The following P4HA1 variants were observed in gnomAD, a reference collection of about 807,000 sequenced individuals.
P4HA1 encodes prolyl 4-hydroxylase subunit alpha 1.
P4HA1 carries 24 observed loss-of-function variants against 72.8 expected under a neutral mutation model. That is an observed-to-expected ratio of 0.33 (90% CI 0.24 to 0.46). The LOEUF (loss-of-function observed/expected upper bound fraction) is 0.46, where lower values mean the gene tolerates loss of function less well. Ranked by LOEUF, P4HA1 falls within the 20% of genes least tolerant of loss-of-function variation. The pLI is 1.00. For missense variants in P4HA1, 446 were observed against 640.6 expected, an observed-to-expected ratio of 0.70 and a Z score of 3.28; for synonymous variants, 201 against 218.8, an observed-to-expected ratio of 0.92 and a Z score of 0.72.
At chr10:73,048,075 C>A (rs749887239) in intron 7 of P4HA1, among the ~76,000 whole-genome samples, 5 of 151,956 alleles carry the variant, frequency 3.3e-5, no homozygotes, top group Non-Finnish European at 7.4e-5. Flanking sequence ...AAAACAAAAA[C>A]AAGTATGTCA....
chr10:73,041,140 T>C (rs1393273037), intron 9 of P4HA1, among the ~76,000 whole-genome samples: 1 of 152,170 alleles, frequency 6.6e-6, no homozygotes, highest in African/African-American at 2.4e-5. Flanking sequence ...ATTTTCTTCA[T>C]GTCTTCTAAT....
chr10:73,086,437 G>T (rs1350420293), intron 1 of P4HA1, among the ~76,000 whole-genome samples: 1 of 152,196 alleles, frequency 6.6e-6, no homozygotes, highest in Non-Finnish European at 1.5e-5. Flanking sequence ...GTAGATTAGT[G>T]GTTGCCCAGG....
At chr10:73,012,777 A>G (rs1358567874) in intron 12 of P4HA1, among the ~76,000 whole-genome samples, 1 of 152,100 alleles carries the variant, frequency 6.6e-6, no homozygotes, top group Non-Finnish European at 1.5e-5. Context: ...AAGTCTACAT[A>G]TAAAATATAT....
chr10:73,054,202 G>A (rs906852204), intron 5 of P4HA1, among the ~76,000 whole-genome samples: 3 of 152,026 alleles, frequency 2.0e-5, no homozygotes, highest in South Asian at 2.1e-4. Context: ...CACCGCGCCC[G>A]GCCACCATAT....
intron 1 of P4HA1, among the ~76,000 whole-genome samples, chr10:73,077,537 G>A (rs917954659): frequency 6.6e-6 from 1 of 151,992 alleles, no homozygotes; most frequent in South Asian, 2.1e-4. Flanking sequence ...CAAAACAATC[G>A]TAAAAAGAAT....
At chr10:73,042,949 AC>A (rs1301725601) in intron 9 of P4HA1, among the ~76,000 whole-genome samples, 1 of 152,186 alleles carries the variant, frequency 6.6e-6, no homozygotes, top group Non-Finnish European at 1.5e-5. Flanking sequence ...CTACAGTGAC[AC>A]ATTTTTATGC....
intron 1 of P4HA1, among the ~76,000 whole-genome samples, chr10:73,093,663 G>A (rs566872124): frequency 1.3e-5 from 2 of 150,810 alleles, no homozygotes; most frequent in Non-Finnish European, 3.0e-5. Flanking sequence ...TTAACACGGT[G>A]TAACCCCGTC....
At position 73,047,145 on chromosome 10, in the gene P4HA1, A is replaced by G. The variant is rs557539502; in HGVS notation, c.901-44T>C. 4 of 1,263,678 alleles carry G rather than the reference A, an allele frequency of 3.2e-6. No homozygotes were observed. The African/African-American group carries it at 4.5e-5, about 14-fold the overall frequency. 78.3% of individuals were successfully genotyped at this position (1,263,678 alleles called of 1,614,324 possible). A position where few individuals can be genotyped will look rare whatever the true frequency, so the allele number is the denominator to read the frequency against. On this transcript the variant is annotated intron_variant, in intron 7 of 14. Coordinates refer to ENST00000394890, the MANE Select transcript of P4HA1 (RefSeq NM_001017962.3). ...ATATGATGAATATATTACAGTAATA[A>G]TACTTTTAATATCTATTCCTATGCA...
chr10:73,092,342 T>TTTTC (rs1299205444), intron 1 of P4HA1, among the ~76,000 whole-genome samples: 1 of 147,626 alleles, frequency 6.8e-6, no homozygotes, highest in Non-Finnish European at 1.5e-5. Flanking sequence ...TTTTTTTTTC[T>TTTTC]TTTCTTTTTT....
At chr10:73,053,899 C>T (rs974229264) in intron 5 of P4HA1, among the ~76,000 whole-genome samples, 3 of 151,812 alleles carry the variant, frequency 2.0e-5, no homozygotes, top group African/African-American at 4.8e-5. Context: ...GTAGGAATTA[C>T]CATATGAGAT....
intron 1 of P4HA1, among the ~76,000 whole-genome samples, chr10:73,088,844 G>A (rs1414000830): frequency 6.6e-6 from 1 of 152,118 alleles, no homozygotes; most frequent in African/African-American, 2.4e-5. Context: ...TTGTTCAATT[G>A]ATCTGTATGT....
At chr10:73,056,774 G>C (rs1319196440) in intron 5 of P4HA1, among the ~76,000 whole-genome samples, 1 of 151,884 alleles carries the variant, frequency 6.6e-6, no homozygotes, top group African/African-American at 2.4e-5. Flanking sequence ...TTAAAATGTA[G>C]ATTAAGGCCG....
intron 12 of P4HA1, 101 bp downstream of exon 12, chr10:73,014,123 C>A: frequency 1.3e-6 from 1 of 788,744 alleles, no homozygotes; most frequent in Non-Finnish European, 2.1e-6. Context: ...AAATGTTAAA[C>A]TAGGATGCTG....
rs1044824344 is a variant in P4HA1 at position 73,093,440 on chromosome 10, T to A, written c.-33+3326A>T. Among the ~76,000 whole-genome samples the A allele has an allele frequency of 4.6e-5, 7 of 152,226 alleles. No individual in the cohort carries two copies. In the East Asian group the frequency reaches 1.4e-3, roughly 29 times the overall value. Reference sequence around the variant, plus strand: ...AACCTAAATGAGAGTCCTTTTGAATTGCCAAAGCTTTTCTTTAGGTACAAT... The same window carrying A: ...AACCTAAATGAGAGTCCTTTTGAATAGCCAAAGCTTTTCTTTAGGTACAAT... On this transcript the variant is annotated intron_variant, in intron 1 of 14. Transcript: ENST00000394890.
chr10:73,051,684 G>A (rs1051450305), intron 6 of P4HA1, among the ~76,000 whole-genome samples: 2 of 152,090 alleles, frequency 1.3e-5, no homozygotes, highest in Non-Finnish European at 2.9e-5. Flanking sequence ...ACTTGAACCC[G>A]GGAGGCGGGG....
intron 9 of P4HA1, among the ~76,000 whole-genome samples, chr10:73,044,198 T>A (rs550756393): frequency 2.6e-4 from 39 of 152,268 alleles, no homozygotes; most frequent in African/African-American, 8.7e-4. Context: ...TCACTTTTTT[T>A]AAACAAAAAA....
At position 73,045,015 on chromosome 10, in the gene P4HA1, C is replaced by T; in HGVS notation, c.1114G>A (p.Asp372Asn). 1 of 1,613,614 alleles carries T rather than the reference C, an allele frequency of 6.2e-7. No individual in the cohort carries two copies. The highest frequency in any genetic ancestry group is 8.5e-7 in the Non-Finnish European group (1 of 1,179,694). ...ATTCTGTAATGTACCGTCTCCAAGT[C>T]TCCTGTTATTGGGTTTGAAATGGTG... ...RATISNPITGDLETVHYRISK... is the reference protein window; with the variant it reads ...RATISNPITGNLETVHYRISK... The change falls in exon 9 of 15, where the codon GAC (aspartate) becomes AAC (asparagine). Residue 372 changes from aspartate (D) to asparagine (N), a missense_variant. Transcript: ENST00000394890.
chr10:73,014,177 T>G, intron 12 of P4HA1, 47 bp downstream of exon 12: 1 of 1,215,526 alleles, frequency 8.2e-7, no homozygotes, highest in Non-Finnish European at 1.2e-6. Flanking sequence ...AAAATGAATC[T>G]TGTCATCAAA....
At chr10:73,087,785 C>T (rs927875144) in intron 1 of P4HA1, among the ~76,000 whole-genome samples, 3 of 152,112 alleles carry the variant, frequency 2.0e-5, no homozygotes, top group Admixed American at 6.6e-5. Flanking sequence ...AGCCACCATG[C>T]CCAGCTTTGA....
Sources: allele counts gnomAD v4.1 joint callset (sites outside exome capture counted in the v4.1 genomes callset), GRCh38; gene constraint gnomAD v4.1.1; transcripts MANE v1.5; gene names NCBI Gene and HGNC (gene_info 2026-07-23, HGNC 2026-07-21).